ASCC3: variants seen among roughly 807,000 people sequenced by gnomAD.
The protein encoded by ASCC3 is activating signal cointegrator 1 complex subunit 3.
Under a neutral mutation model 256.3 loss-of-function variants are expected in ASCC3, and 158 were observed. The observed-to-expected ratio is 0.62, with a 90% CI of 0.54 to 0.70. The LOEUF is 0.70. ASCC3 is among the 30% of genes least tolerant of loss of function. The probability of loss-of-function intolerance (pLI) is 0.00; values close to 1 mark genes in which losing one functional copy is unlikely to be tolerated. For missense variants in ASCC3, 2,259 were observed against 2,626.0 expected (o/e 0.86, Z 3.05); for synonymous variants, 948 against 883.4 (o/e 1.07, Z -1.30).
rs1485276871 is a variant in ASCC3, at chr6:100,715,566, T to C, written c.2080-33A>G. 26 of 1,564,564 alleles carry C rather than the reference T, an allele frequency of 1.7e-5. No individual in the cohort carries two copies. The Admixed American group carries it at 1.7e-4, about 10-fold the overall frequency. ...ATTTTAAAACATAAAAAAAATCATG[T>C]GAAACAATTATAAACTTTCTAACTA... is the stretch of plus-strand genomic sequence containing the variant. On this transcript the variant is annotated intron_variant, in intron 12 of 41. Coordinates refer to ENST00000369162, the MANE Select transcript of ASCC3 (RefSeq NM_006828.4).
chr6:100,547,042 T>C (rs1275612125), intron 36 of ASCC3, among the ~76,000 whole-genome samples: 3 of 152,006 alleles, frequency 2.0e-5, no homozygotes, highest in Admixed American at 6.6e-5. Flanking sequence ...ATGTATACAT[T>C]GGAATTGAAC....
chr6:100,688,787 A>T (rs2114980656), intron 13 of ASCC3, among the ~76,000 whole-genome samples: 1 of 152,308 alleles, frequency 6.6e-6, no homozygotes, highest in South Asian at 2.1e-4. Context: ...ATATCTAATT[A>T]TATGGTAAAG....
chr6:100,768,860 C>T lies in ASCC3; in HGVS notation c.1396-1515G>A, dbSNP rs1781787516. ...TAAATTAAAAAGGAAGACAGTCATA[C>T]AAAGCATATTCTCTGACTGCAATGG... On this transcript the variant is annotated intron_variant, in intron 8 of 41. Transcript: ENST00000369162. 2.6e-5 allele frequency among the ~76,000 whole-genome samples: 4 copies of T among 152,206 alleles called. No homozygotes were observed. The South Asian group carries it at 8.3e-4, about 32-fold the overall frequency.
Position 100,594,879 on chromosome 6 carries a change from C to A in ASCC3, c.5304-4820G>T, listed in dbSNP as rs563324751. On this transcript the variant is annotated intron_variant, in intron 34 of 41. Coordinates refer to ENST00000369162, the MANE Select transcript of ASCC3 (RefSeq NM_006828.4). ...AAAGAAGGAAATTCTATATTAGCAC[C>A]AACATGGATAAATCTAGAGGGGGAG... Among the ~76,000 whole-genome samples the A allele has an allele frequency of 3.9e-5, 6 of 152,012 alleles. No individual in the cohort carries two copies. The South Asian group carries it at 1.2e-3, about 32-fold the overall frequency.
At chr6:100,609,338 T>C (rs1171365621) in intron 30 of ASCC3, among the ~76,000 whole-genome samples, 2 of 152,016 alleles carry the variant, frequency 1.3e-5, no homozygotes, top group Non-Finnish European at 2.9e-5. Context: ...TCTAGCAATA[T>C]AGGTTAAATA....
In ASCC3 at chr6:100,867,999, T is replaced by G; in HGVS notation, c.-2A>C. On this transcript the variant is annotated 5_prime_UTR_variant, in exon 2 of 42. Coordinates refer to ENST00000369162, the MANE Select transcript of ASCC3 (RefSeq NM_006828.4). ...TCCTGTGAGACGAGGTAAAGCCATC[T>G]ATTATTCAATCAGTGATCCATACAG... 1 of 1,608,554 alleles carries G rather than the reference T, an allele frequency of 6.2e-7. No individual in the cohort carries two copies. Among genetic ancestry groups the G allele is most frequent in the Non-Finnish European group, 8.5e-7 (1 of 1,175,140 alleles).
chr6:100,829,566 G>A (rs1274266735), intron 4 of ASCC3, among the ~76,000 whole-genome samples: 3 of 151,972 alleles, frequency 2.0e-5, no homozygotes, highest in Admixed American at 1.3e-4. Context: ...CGCTGGCGGC[G>A]CCTCTCCCTC....
At position 100,642,641 on chromosome 6, in the gene ASCC3, C is replaced by G; in HGVS notation, c.3841G>C (p.Ala1281Pro). The change falls in exon 24 of 42, where the codon GCA becomes CCA. Residue 1281 changes from alanine to proline, a missense_variant. Ala to Pro is a conservative substitution (Grantham distance 27, BLOSUM62 -1). This residue lies in a region of ASCC3 where 1,839 missense variants were observed against 2,206.7 expected (regional missense o/e 0.83). Transcript: ENST00000369162. Reference sequence around the variant, plus strand: ...TGTTGAAAGTTGATAATACATACTGCCTCAGCACCCAACCATCTATCAGAC... The same window carrying G: ...TGTTGAAAGTTGATAATACATACTGGCTCAGCACCCAACCATCTATCAGAC... ...AVSDRWLGAE[A>P]VCIINFQHLI... The G allele has an allele frequency of 6.2e-7, 1 of 1,613,986 alleles. No homozygotes were observed. Among genetic ancestry groups the G allele is most frequent in the South Asian group, 1.1e-5 (1 of 91,078 alleles).
At chr6:100,716,678 A>G (rs993676662) in intron 12 of ASCC3, among the ~76,000 whole-genome samples, 17 of 151,990 alleles carry the variant, frequency 1.1e-4, no homozygotes, top group Non-Finnish European at 1.9e-4. Flanking sequence ...GGCCAAAGCC[A>G]TTATTCCAAA....
chr6:100,865,673 A>G (rs917129828), intron 2 of ASCC3, among the ~76,000 whole-genome samples: 3 of 152,200 alleles, frequency 2.0e-5, no homozygotes, highest in African/African-American at 7.2e-5. Context: ...TTTAGCAATA[A>G]AATTCTAATC....
At chr6:100,724,286 T>TAA (rs146443725) in intron 11 of ASCC3, among the ~76,000 whole-genome samples, 2 of 147,374 alleles carry the variant, frequency 1.4e-5, no homozygotes, top group Non-Finnish European at 1.5e-5. Context: ...AATCAAAAGT[T>TAA]AAAAAAAAAA....
In ASCC3 at chr6:100,864,121, T is replaced by C. The variant is rs1478936626; in HGVS notation, c.184A>G (p.Lys62Glu). The C allele has an allele frequency of 1.2e-6, 2 of 1,603,788 alleles. No homozygotes were observed. Among genetic ancestry groups the C allele is most frequent in the East Asian group, 2.2e-5 (1 of 44,732 alleles). The change falls in exon 3 of 42, where the codon AAA becomes GAA. Residue 62 changes from lysine (K) to glutamate (E), a missense_variant. Coordinates refer to ENST00000369162, the MANE Select transcript of ASCC3 (RefSeq NM_006828.4). The stretch of plus-strand genomic sequence containing the variant: ...AAGTCTTCATTTATACTTTGCATTT[T>C]ACTCTTCTCCAGTTTTTCATTCAAA... ...KFLNEKLEKS[K>E]MQSINEDLKD...
intron 14 of ASCC3, among the ~76,000 whole-genome samples, chr6:100,676,282 T>TC (rs1414438958): frequency 6.6e-6 from 1 of 152,238 alleles, no homozygotes; most frequent in South Asian, 2.1e-4. Flanking sequence ...CATCATTCTA[T>TC]CTGTTTCTCA....
chr6:100,539,987 T>C (rs763071569), intron 37 of ASCC3, among the ~76,000 whole-genome samples, 176 bp downstream of exon 37: 1 of 152,220 alleles, frequency 6.6e-6, no homozygotes, highest in African/African-American at 2.4e-5. Flanking sequence ...AACTGTCATC[T>C]TATTTCATTT....
In ASCC3 at chr6:100,601,895, C is replaced by T. The variant is rs780320775; in HGVS notation, c.5218G>A (p.Ala1740Thr). ...VLSDHLNAEI[A>T]GGTITSKQDA... is the part of the protein sequence containing the mutation. Reference sequence around the variant, plus strand: ...TGCTTAGATGTAATTGTACCACCAGCAATCTCTGCATTTAAGTGGTCAGAG... The same window carrying T: ...TGCTTAGATGTAATTGTACCACCAGTAATCTCTGCATTTAAGTGGTCAGAG... The change falls in exon 34 of 42, where the codon GCT (alanine) becomes ACT (threonine). Residue 1740 changes from alanine to threonine, a missense_variant. By Grantham distance (58) the Ala-to-Thr change is moderately conservative. Around this residue, in one of 2 missense-constraint regions of ASCC3, gnomAD observed 1,839 missense variants for 2,206.7 expected, o/e 0.83. Transcript: ENST00000369162. 3.1e-6 allele frequency: 5 copies of T among 1,612,404 alleles called. No homozygotes were observed. The Admixed American group carries it at 6.7e-5, about 22-fold the overall frequency.
chr6:100,601,321 C>T (rs985738226), intron 34 of ASCC3, among the ~76,000 whole-genome samples: 2 of 152,038 alleles, frequency 1.3e-5, no homozygotes, highest in African/African-American at 2.4e-5. Flanking sequence ...TTTAGTTTAC[C>T]ATCTGAAAAA....
intron 13 of ASCC3, among the ~76,000 whole-genome samples, chr6:100,686,106 G>A (rs775886651): frequency 3.3e-5 from 5 of 152,034 alleles, no homozygotes; most frequent in Non-Finnish European, 7.4e-5. Flanking sequence ...GCTAATAATG[G>A]CAATTTCTGC....
chr6:100,515,941 G>A (rs114824586), intron 39 of ASCC3, among the ~76,000 whole-genome samples: 1 of 152,158 alleles, frequency 6.6e-6, no homozygotes, highest in African/African-American at 2.4e-5. Flanking sequence ...TTCATTTATT[G>A]AGTTCTTACT....
intron 8 of ASCC3, among the ~76,000 whole-genome samples, chr6:100,788,555 A>G (rs941975652): frequency 3.3e-5 from 5 of 152,024 alleles, no homozygotes; most frequent in Non-Finnish European, 5.9e-5. Context: ...AAACAAGCTA[A>G]AAGTACTTCA....
Sources: allele counts gnomAD v4.1 joint callset (sites outside exome capture counted in the v4.1 genomes callset), GRCh38; gene constraint gnomAD v4.1.1; regional missense constraint gnomAD v4.1.1; transcripts MANE v1.5; gene names NCBI Gene and HGNC (gene_info 2026-07-23, HGNC 2026-07-21).